The following ATP2B2 variants were observed in gnomAD, a reference collection of about 807,000 sequenced individuals.
ATP2B2 encodes the protein ATPase plasma membrane Ca2+ transporting 2.
In ATP2B2, 15 loss-of-function variants were observed where a neutral mutation model predicts 120.0. The ratio of observed to expected loss-of-function variants is 0.12; its 90% CI spans 0.08 to 0.19. ATP2B2 has a LOEUF of 0.19. ATP2B2 is among the 10% of genes least tolerant of loss of function. The pLI, the probability that ATP2B2 is intolerant of heterozygous loss-of-function variation, is 1.00. For synonymous variants in ATP2B2, 694 were observed against 700.3 expected (o/e 0.99, Z 0.14); for missense variants, 1,045 against 1,719.8 (o/e 0.61, Z 6.94).
At position 10,378,399 on chromosome 3, in the gene ATP2B2, C is replaced by A. The variant is rs1264227687; in HGVS notation, c.1054G>T (p.Asp352Tyr). The A allele has an allele frequency of 1.9e-6, 3 of 1,602,060 alleles. No homozygotes were observed. The highest frequency in any genetic ancestry group is 2.5e-6 in the Non-Finnish European group (3 of 1,179,984). ...TGCATCTCCATGGCGGCTGCCCCGTCCTGTTGTTTGGCTGCAGGGGGCAGA... is the reference window on the plus strand; with the variant it reads ...TGCATCTCCATGGCGGCTGCCCCGTACTGTTGTTTGGCTGCAGGGGGCAGA... ...DASQSKAKQQDGAAAMEMQPL... is the reference protein window; with the variant it reads ...DASQSKAKQQYGAAAMEMQPL... The change falls in exon 10 of 23, where the codon GAC (aspartate) becomes TAC (tyrosine). Residue 352 changes from aspartate to tyrosine, a missense_variant. Asp to Tyr is a radical substitution (Grantham distance 160, BLOSUM62 -3). This residue lies in a region of ATP2B2 where 145 missense variants were observed against 202.0 expected (regional missense o/e 0.72). Coordinates refer to ENST00000360273, the MANE Select transcript of ATP2B2 (RefSeq NM_001001331.4).
At chr3:10,616,035 A>G (rs2069376137) in intron 2 of ATP2B2, among the ~76,000 whole-genome samples, 1 of 152,132 alleles carries the variant, frequency 6.6e-6, no homozygotes, top group South Asian at 2.1e-4. Flanking sequence ...GGATGGAGAC[A>G]TGAGTTTTCC....
intron 2 of ATP2B2, among the ~76,000 whole-genome samples, chr3:10,573,642 A>G (rs1173513566): frequency 2.6e-5 from 4 of 152,132 alleles, no homozygotes; most frequent in Admixed American, 2.0e-4. Context: ...TTGGTTGGGT[A>G]CCATCCTTCA....
At chr3:10,513,599 C>T (rs13317284) in intron 3 of ATP2B2, among the ~76,000 whole-genome samples, 1 of 152,108 alleles carries the variant, frequency 6.6e-6, no homozygotes, top group East Asian at 1.9e-4. Flanking sequence ...ATGATCCACT[C>T]AATGTGCTGT....
At chr3:10,619,867 C>T (rs576982391) in intron 2 of ATP2B2, 2 of 152,284 alleles carry the variant, frequency 1.3e-5, no homozygotes, top group South Asian at 4.1e-4. Context: ...TGCTAGTGGG[C>T]TTCTATGGGT....
At chr3:10,336,130 C>G (rs1463236134) in intron 22 of ATP2B2, 1 of 1,550,266 alleles carries the variant, frequency 6.5e-7, no homozygotes, top group Non-Finnish European at 8.7e-7. Flanking sequence ...CACACTCACG[C>G]CCGGCTGCAG....
intron 2 of ATP2B2, among the ~76,000 whole-genome samples, chr3:10,563,723 T>A (rs546805080): frequency 3.0e-4 from 46 of 152,336 alleles, no homozygotes; most frequent in Non-Finnish European, 3.4e-4. Context: ...GGAAGTAAAC[T>A]AGGCCAGTGT....
At chr3:10,671,854 G>T (rs945085654) in intron 1 of ATP2B2, among the ~76,000 whole-genome samples, 5 of 152,178 alleles carry the variant, frequency 3.3e-5, no homozygotes, top group African/African-American at 1.2e-4. Flanking sequence ...GGCCTCGGAA[G>T]GAGTCTGTAC....
intron 3 of ATP2B2, among the ~76,000 whole-genome samples, chr3:10,407,521 C>G (rs1443931939): frequency 1.3e-5 from 2 of 152,216 alleles, no homozygotes; most frequent in Non-Finnish European, 2.9e-5. Context: ...GGGCTGCCCG[C>G]CCTCTCAGAA....
chr3:10,381,692 T>A (rs1005675860), intron 8 of ATP2B2, among the ~76,000 whole-genome samples: 9 of 152,200 alleles, frequency 5.9e-5, no homozygotes, highest in African/African-American at 2.2e-4. Context: ...ATGTGGGATC[T>A]GGAGATGGGC....
At chr3:10,411,019 C>A (rs1443966075) in intron 2 of ATP2B2, among the ~76,000 whole-genome samples, 1 of 152,140 alleles carries the variant, frequency 6.6e-6, no homozygotes, top group Non-Finnish European at 1.5e-5. Context: ...ATGGCAGCCT[C>A]CAAAATATAT....
intron 2 of ATP2B2, among the ~76,000 whole-genome samples, chr3:10,565,653 A>G (rs2067994272): frequency 6.6e-6 from 1 of 152,206 alleles, no homozygotes; most frequent in Non-Finnish European, 1.5e-5. Context: ...TGTGGCATTC[A>G]TAGTTGGTCT....
At chr3:10,447,518 GA>G (rs1032793103) in intron 2 of ATP2B2, among the ~76,000 whole-genome samples, 7 of 152,366 alleles carry the variant, frequency 4.6e-5, no homozygotes, top group African/African-American at 1.7e-4. Flanking sequence ...TTTTCTGAGA[GA>G]GGGGCCACAG....
intron 1 of ATP2B2, among the ~76,000 whole-genome samples, chr3:10,639,915 C>T (rs1363424286): frequency 6.6e-6 from 1 of 152,198 alleles, no homozygotes; most frequent in Non-Finnish European, 1.5e-5. Flanking sequence ...GATCAGCATC[C>T]CTGGGCACAG....
chr3:10,538,281 G>A (rs1427448696), intron 2 of ATP2B2, among the ~76,000 whole-genome samples: 4 of 152,142 alleles, frequency 2.6e-5, no homozygotes, highest in African/African-American at 4.8e-5. Context: ...ATTCACAGCC[G>A]AATTCTACCA....
intron 2 of ATP2B2, among the ~76,000 whole-genome samples, chr3:10,618,259 C>T (rs1022814659): frequency 6.6e-6 from 1 of 152,192 alleles, no homozygotes; most frequent in African/African-American, 2.4e-5. Context: ...TCAGTCTCCT[C>T]GCCTGCAGAA....
chr3:10,400,804 G>A lies in ATP2B2; in HGVS notation c.781+149C>T, dbSNP rs2062193200. On this transcript the variant is annotated intron_variant, in intron 5 of 22. Coordinates refer to ENST00000360273, the MANE Select transcript of ATP2B2 (RefSeq NM_001001331.4). The stretch of plus-strand genomic sequence containing the variant: ...TCAATGTGTGTTTGTGAGAGAAAAG[G>A]AAGGGAGTTCTCACTTGGGGCTGAG... The A allele has an allele frequency of 6.6e-6, 8 of 1,213,636 alleles. No individual in the cohort carries two copies. The South Asian group carries it at 1.1e-4, about 17-fold the overall frequency. 75.2% of individuals were successfully genotyped at this position (1,213,636 alleles called of 1,614,324 possible). A position where few individuals can be genotyped will look rare whatever the true frequency, so the allele number is the denominator to read the frequency against.
At chr3:10,620,962 C>T (rs1033331449) in intron 1 of ATP2B2, among the ~76,000 whole-genome samples, 2 of 152,202 alleles carry the variant, frequency 1.3e-5, no homozygotes, top group African/African-American at 4.8e-5. Flanking sequence ...ACACCCTCAG[C>T]CCCCAATCCA....
intron 2 of ATP2B2, among the ~76,000 whole-genome samples, chr3:10,564,409 G>T (rs956024472): frequency 2.0e-5 from 3 of 152,116 alleles, no homozygotes; most frequent in African/African-American, 4.8e-5. Flanking sequence ...TCCACCGGTG[G>T]CTATTAAGCC....
intron 2 of ATP2B2, 99 bp downstream of exon 2, chr3:10,449,246 C>T: frequency 7.5e-7 from 1 of 1,334,174 alleles, no homozygotes; most frequent in East Asian, 2.4e-5. Context: ...CTTTCTCTGA[C>T]ACATCCCTGC....
Sources: allele counts gnomAD v4.1 joint callset (sites outside exome capture counted in the v4.1 genomes callset), GRCh38; gene constraint gnomAD v4.1.1; regional missense constraint gnomAD v4.1.1; transcripts MANE v1.5; gene names NCBI Gene and HGNC (gene_info 2026-07-23, HGNC 2026-07-21).